NEB: variants seen among roughly 807,000 people sequenced by gnomAD.
NEB encodes the protein nemaline myopathy type 2.
NEB carries 512 observed loss-of-function variants against 952.2 expected under a neutral mutation model. That is an observed-to-expected ratio of 0.54 (90% CI 0.50 to 0.58). The LOEUF is 0.58. NEB is among the 20% of genes least tolerant of loss of function. The pLI is 0.00. For synonymous variants in NEB, 2,900 were observed against 3,149.8 expected, an observed-to-expected ratio of 0.92 and a Z score of 2.66; for missense variants, 8,428 against 9,231.1, an observed-to-expected ratio of 0.91 and a Z score of 3.56.
rs2099408237 is a variant in NEB, at chr2:151,680,716, GCA to G, written c.3042+12_3042+13del. On this transcript the variant is annotated intron_variant, in intron 30 of 181. Transcript: ENST00000397345. ...GTTAACATCTATTAACATATAGATA[GCA>G]TTAACACTTACATCACTCCTCTGGG... The G allele has an allele frequency of 4.0e-6, 6 of 1,516,150 alleles. No individual in the cohort carries two copies. Among genetic ancestry groups the G allele is most frequent in the Non-Finnish European group, 5.5e-6 (6 of 1,094,784 alleles). 93.9% of individuals were successfully genotyped at this position (1,516,150 alleles called of 1,614,324 possible).
Position 151,710,433 on chromosome 2 carries a change from C to T in NEB, c.927+1G>A, listed in dbSNP as rs374562457. 6.3e-7 allele frequency: 1 copy of T among 1,597,718 alleles called. No individual in the cohort carries two copies. Among genetic ancestry groups the T allele is most frequent in the Non-Finnish European group, 8.6e-7 (1 of 1,167,412 alleles). ...CAACCAGCCATCCCTTCCCACTTAACTGTGCTAATGTTATCAGCATTCATT... is the reference window on the plus strand; with the variant it reads ...CAACCAGCCATCCCTTCCCACTTAATTGTGCTAATGTTATCAGCATTCATT... On this transcript the variant is annotated splice_donor_variant, in intron 11 of 181. Transcript: ENST00000397345. LOFTEE classifies it high-confidence loss of function.
At chr2:151,674,450 T>A in intron 36 of NEB, 27 bp downstream of exon 36, 1 of 1,577,112 alleles carries the variant, frequency 6.3e-7, no homozygotes, top group Non-Finnish European at 8.7e-7. Context: ...GGCAAACACC[T>A]AAACTTCACC....
intron 165 of NEB, among the ~76,000 whole-genome samples, chr2:151,503,692 G>A (rs1473008733): frequency 1.3e-5 from 2 of 152,064 alleles, no homozygotes; most frequent in Non-Finnish European, 2.9e-5. Context: ...TGCCTAAAAT[G>A]CATTAATAAA....
At chr2:151,629,502 A>G (rs2098611164) in intron 68 of NEB, 37 bp downstream of exon 68, 2 of 1,512,796 alleles carry the variant, frequency 1.3e-6, no homozygotes, top group Non-Finnish European at 1.8e-6. Context: ...TCCCCACTTC[A>G]TCCATCCATG....
intron 20 of NEB, among the ~76,000 whole-genome samples, chr2:151,693,053 A>G (rs2099570936): frequency 6.6e-6 from 1 of 152,232 alleles, no homozygotes. Flanking sequence ...TAGATAATTA[A>G]GCACAGTCCT....
At chr2:151,558,743 C>A (rs2095830272) in intron 124 of NEB, among the ~76,000 whole-genome samples, 1 of 152,138 alleles carries the variant, frequency 6.6e-6, no homozygotes, top group Non-Finnish European at 1.5e-5. Flanking sequence ...AACTGGCTAG[C>A]CATATGCAGA....
At chr2:151,627,935 G>C in intron 68 of NEB, 101 bp from the exon 69 acceptor site, 2 of 1,414,224 alleles carry the variant, frequency 1.4e-6, no homozygotes, top group Non-Finnish European at 9.5e-7. Context: ...AATTCTTGCA[G>C]AGTAATGAAA....
At chr2:151,638,712 T>C (rs1479089140) in intron 63 of NEB, among the ~76,000 whole-genome samples, 2 of 152,170 alleles carry the variant, frequency 1.3e-5, no homozygotes, top group East Asian at 1.9e-4. Context: ...CCTAAGCCTC[T>C]ATGATTCTGG....
intron 114 of NEB, 43 bp downstream of exon 114, chr2:151,567,125 G>A: frequency 6.8e-7 from 1 of 1,475,644 alleles, no homozygotes; most frequent in Non-Finnish European, 9.2e-7. Flanking sequence ...TTCTCAGAGT[G>A]TACCATGCGT....
At chr2:151,503,570 CA>C (rs1211483635) in intron 165 of NEB, 129 bp from the exon 166 acceptor site, 4 of 592,304 alleles carry the variant, frequency 6.8e-6, no homozygotes, top group Admixed American at 3.3e-5. Context: ...ATTCAAGGAA[CA>C]GGGGGGAAAA....
chr2:151,609,672 A>G (rs2097864650), intron 81 of NEB, 137 bp downstream of exon 81: 2 of 642,480 alleles, frequency 3.1e-6, no homozygotes, highest in Non-Finnish European at 5.0e-6. Flanking sequence ...ATATTAAACA[A>G]TGTGAATGGT....
In NEB at chr2:151,629,652, A is replaced by T. The variant is rs2098617078; in HGVS notation, c.9724-6T>A. ...TTGGCAAGTTTGTATAGAGTCTATGAAAAGAAAGGCAAAGAGTTAAAGCAA... is the reference window on the plus strand; with the variant it reads ...TTGGCAAGTTTGTATAGAGTCTATGTAAAGAAAGGCAAAGAGTTAAAGCAA... On this transcript the variant is annotated splice_polypyrimidine_tract_variant and splice_region_variant and intron_variant, in intron 67 of 181. Transcript: ENST00000397345. 6.2e-7 allele frequency: 1 copy of T among 1,610,452 alleles called. No homozygotes were observed. Among genetic ancestry groups the T allele is most frequent in the African/African-American group, 1.3e-5 (1 of 74,978 alleles).
At chr2:151,670,664 T>C (rs1056787937) in intron 38 of NEB, among the ~76,000 whole-genome samples, 2 of 152,210 alleles carry the variant, frequency 1.3e-5, no homozygotes, top group Non-Finnish European at 2.9e-5. Flanking sequence ...TGTGGCTAGG[T>C]AGAAATATTG....
chr2:151,710,056 G>A (rs1048143601), intron 11 of NEB, among the ~76,000 whole-genome samples: 1 of 152,182 alleles, frequency 6.6e-6, no homozygotes, highest in Non-Finnish European at 1.5e-5. Flanking sequence ...AAAAACAATA[G>A]ACTTATGTTT....
chr2:151,629,865 A>G (rs977454535), intron 67 of NEB, among the ~76,000 whole-genome samples: 3 of 152,140 alleles, frequency 2.0e-5, no homozygotes, highest in African/African-American at 7.2e-5. Flanking sequence ...ATATAGTGAT[A>G]TATTAACCTA....
At chr2:151,500,610 T>TA (rs1336902911) in intron 168 of NEB, among the ~76,000 whole-genome samples, 1 of 149,878 alleles carries the variant, frequency 6.7e-6, no homozygotes, top group East Asian at 1.9e-4. Flanking sequence ...TTTTTTTTTT[T>TA]TTTGAAACAG....
At position 151,619,611 on chromosome 2, in the gene NEB, C is replaced by T. The variant is rs761487598; in HGVS notation, c.10712G>A (p.Arg3571Lys). The change falls in exon 73 of 182, where the codon AGG (arginine) becomes AAG (lysine). Residue 3571 changes from arginine (R) to lysine (K), a missense_variant. By Grantham distance (26) the Arg-to-Lys change is conservative. Transcript: ENST00000397345. The part of the protein sequence containing the change: ...YKKDFEKYKT[R>K]YSSPVDMLGI... Reference sequence around the variant, plus strand: ...AAGCATGTCCACTGGGCTGCTGTACCTTGTCTTGTATTTCTCAAAATCTTT... The same window carrying T: ...AAGCATGTCCACTGGGCTGCTGTACTTTGTCTTGTATTTCTCAAAATCTTT... The T allele has an allele frequency of 3.1e-6, 5 of 1,613,970 alleles. No homozygotes were observed. Among genetic ancestry groups the T allele is most frequent in the Non-Finnish European group, 4.2e-6 (5 of 1,179,874 alleles).
In NEB at chr2:151,650,905, A is replaced by G. The variant is rs780933765; in HGVS notation, c.6916-20T>C. ...TTTATACTGAAATCAGAGAAAACAC[A>G]GCTCTTTTAGTACACAAAGGCCAAG... On this transcript the variant is annotated intron_variant, in intron 52 of 181. Coordinates refer to ENST00000397345, the MANE Select transcript of NEB (RefSeq NM_001164508.2). The G allele has an allele frequency of 1.5e-5, 23 of 1,584,264 alleles. No individual in the cohort carries two copies. In the East Asian group the frequency reaches 4.7e-4, roughly 32 times the overall value.
At chr2:151,552,810 C>T in intron 127 of NEB, 34 bp from the exon 128 acceptor site, 6 of 1,512,810 alleles carry the variant, frequency 4.0e-6, no homozygotes, top group Non-Finnish European at 5.5e-6. Context: ...CCATGTTGGA[C>T]CATTCCTTAT....
Sources: gnomAD v4.1 joint callset for allele counts (sites outside exome capture counted in the v4.1 genomes callset) on GRCh38, gnomAD v4.1.1 for gene constraint, MANE v1.5 for transcripts, NCBI Gene and HGNC (gene_info 2026-07-23, HGNC 2026-07-21) for gene names.